The following ZBTB40 variants were observed in gnomAD, a reference collection of about 807,000 sequenced individuals.
The protein encoded by ZBTB40 is zinc finger and BTB domain-containing protein 40.
Under a neutral mutation model 117.5 loss-of-function variants are expected in ZBTB40, and 60 were observed. That is an observed-to-expected ratio of 0.51 (90% CI 0.41 to 0.63). ZBTB40 has a LOEUF of 0.63. Among genes scored for constraint, ZBTB40 ranks in the 30% least tolerant of loss-of-function variants. The pLI, the probability that ZBTB40 is intolerant of heterozygous loss-of-function variation, is 0.00. For synonymous variants in ZBTB40, 525 were observed against 577.1 expected, an observed-to-expected ratio of 0.91 and a Z score of 1.29; for missense variants, 1,287 against 1,498.5, an observed-to-expected ratio of 0.86 and a Z score of 2.33.
intron 1 of ZBTB40, among the ~76,000 whole-genome samples, chr1:22,432,764 C>T (rs963181325): frequency 6.6e-6 from 1 of 152,048 alleles, no homozygotes; most frequent in Non-Finnish European, 1.5e-5. Flanking sequence ...TTATATCTGC[C>T]GCCCATCACC....
At position 22,476,936 on chromosome 1, in the gene ZBTB40, G is replaced by A. The variant is rs138206878; in HGVS notation, c.-69-12944G>A. On this transcript the variant is annotated intron_variant, in intron 1 of 17. Transcript: ENST00000375647. The stretch of plus-strand genomic sequence containing the variant: ...TGTTCCACTATGCTTTCTTACCTCC[G>A]GAAAGTGCCCTTTCACCACATGACA... Among the ~76,000 whole-genome samples, 28 of 152,226 alleles carry A rather than the reference G, an allele frequency of 1.8e-4. No individual in the cohort carries two copies. In the East Asian group the frequency reaches 5.0e-3, roughly 27 times the overall value.
In ZBTB40 at chr1:22,501,609, C is replaced by G. The variant is rs751936550; in HGVS notation, c.949C>G (p.Gln317Glu). The G allele has an allele frequency of 6.2e-7, 1 of 1,614,038 alleles. No individual in the cohort carries two copies. The highest frequency in any genetic ancestry group is 8.5e-7 in the Non-Finnish European group (1 of 1,180,004). The part of the protein sequence containing the change: ...QTVVSLLRLY[Q>E]YSNPAVKTAL... ...TGTTGTGTCCCTGTTGAGGCTGTAC[C>G]AATATTCTAATCCTGCAGTAAAAAC... is the stretch of plus-strand genomic sequence containing the variant. The change falls in exon 4 of 18, where the codon CAA becomes GAA. Residue 317 changes from glutamine to glutamate, a missense_variant. Physicochemically the swap from Gln to Glu is conservative, Grantham distance 29. Around this residue, in one of 2 missense-constraint regions of ZBTB40, gnomAD observed 870 missense variants for 934.4 expected, o/e 0.93. Transcript: ENST00000375647.
Position 22,522,422 on chromosome 1 carries a change from C to T in ZBTB40, c.3257C>T (p.Thr1086Met), listed in dbSNP as rs533226667. The T allele has an allele frequency of 1.3e-4, 212 of 1,614,208 alleles. 1 individual carries two copies. The highest frequency in any genetic ancestry group is 1.6e-4 in the Middle Eastern group (1 of 6,062). The change falls in exon 16 of 18, where the codon ACG becomes ATG. Residue 1086 changes from threonine (T) to methionine (M), a missense_variant. Thr to Met is a moderately conservative substitution (Grantham distance 81). Transcript: ENST00000375647. ...GACCAGTGTAAGGAGCTCTTCCCCA[C>T]GCCAGCCTTGCTGCAGGTTCATGTC... ...ECDQCKELFP[T>M]PALLQVHVKC...
rs143821025 is a variant in ZBTB40, at chr1:22,501,641, A to G, written c.981A>G (p.Leu327=). The part of the protein sequence containing the change: ...QYSNPAVKTA[L]LDRKPEDVDT... ...CTAATCCTGCAGTAAAAACAGCACT[A>G]TTAGACAGGAAGCCAGAAGATGTAG... Residue 327 remains leucine, a synonymous_variant, in exon 4 of 18, where the codon CTA becomes CTG. Coordinates refer to ENST00000375647, the MANE Select transcript of ZBTB40 (RefSeq NM_014870.4). 110 of 1,614,014 alleles carry G rather than the reference A, an allele frequency of 6.8e-5. No homozygotes were observed. Among genetic ancestry groups the G allele is most frequent in the Non-Finnish European group, 9.2e-5 (108 of 1,180,016 alleles).
intron 1 of ZBTB40, among the ~76,000 whole-genome samples, chr1:22,463,416 C>G (rs1463291702): frequency 6.6e-6 from 1 of 152,194 alleles, no homozygotes; most frequent in Non-Finnish European, 1.5e-5. Context: ...CTGATGAAAA[C>G]TTAGTTATCG....
At chr1:22,516,897 G>A (rs1464040528) in intron 12 of ZBTB40, among the ~76,000 whole-genome samples, 1 of 151,956 alleles carries the variant, frequency 6.6e-6, no homozygotes, top group Non-Finnish European at 1.5e-5. Flanking sequence ...CTGAATCCAC[G>A]ACTCTCACCT....
intron 1 of ZBTB40, among the ~76,000 whole-genome samples, chr1:22,473,505 TA>T (rs1340257766): frequency 6.6e-6 from 1 of 152,208 alleles, no homozygotes; most frequent in Non-Finnish European, 1.5e-5. Flanking sequence ...GTAAGGTACT[TA>T]AATATCAGTA....
chr1:22,504,750 G>A (rs1414502933), intron 5 of ZBTB40, among the ~76,000 whole-genome samples: 1 of 152,200 alleles, frequency 6.6e-6, no homozygotes, highest in Non-Finnish European at 1.5e-5. Flanking sequence ...AAGGCTTGAA[G>A]AATTAAATAA....
intron 1 of ZBTB40, among the ~76,000 whole-genome samples, chr1:22,465,109 C>T (rs1047753116): frequency 7.9e-5 from 12 of 152,242 alleles, no homozygotes; most frequent in Middle Eastern, 3.4e-3. Flanking sequence ...AGGAGACCCG[C>T]GATGGTTAGT....
At chr1:22,498,787 GAA>G (rs11371974) in intron 3 of ZBTB40, among the ~76,000 whole-genome samples, 1 of 146,264 alleles carries the variant, frequency 6.8e-6, no homozygotes, top group African/African-American at 2.5e-5. Context: ...GTTTCAGGTG[GAA>G]AAAAAAAAAA....
intron 13 of ZBTB40, 34 bp from the exon 14 acceptor site, chr1:22,520,027 A>C: frequency 1.9e-6 from 3 of 1,601,128 alleles, no homozygotes; most frequent in Non-Finnish European, 2.6e-6. Flanking sequence ...TTTCCTCTCC[A>C]CCTCTTCCTC....
chr1:22,445,134 G>A (rs1242081483), intron 1 of ZBTB40, among the ~76,000 whole-genome samples: 1 of 152,138 alleles, frequency 6.6e-6, no homozygotes, highest in East Asian at 1.9e-4. Flanking sequence ...TCCTGGTTGG[G>A]GAGATCATCT....
At chr1:22,511,397 G>C in intron 10 of ZBTB40, 50 bp downstream of exon 10, 1 of 1,605,930 alleles carries the variant, frequency 6.2e-7, no homozygotes, top group Non-Finnish European at 8.5e-7. Flanking sequence ...ACACCAGGTT[G>C]TTTCTTGAAG....
chr1:22,488,483 G>T (rs1638535200), intron 1 of ZBTB40, among the ~76,000 whole-genome samples: 1 of 152,128 alleles, frequency 6.6e-6, no homozygotes, highest in African/African-American at 2.4e-5. Flanking sequence ...GTAGAAATGA[G>T]CCAGCCAGCC....
chr1:22,498,814 A>G (rs1638850208), intron 3 of ZBTB40, among the ~76,000 whole-genome samples: 1 of 151,134 alleles, frequency 6.6e-6, no homozygotes, highest in East Asian at 1.9e-4. Flanking sequence ...GGCCTAGGCT[A>G]GAATGAGATA....
At chr1:22,497,222 C>G in intron 3 of ZBTB40, among the ~76,000 whole-genome samples, 1 of 152,208 alleles carries the variant, frequency 6.6e-6, no homozygotes, top group East Asian at 1.9e-4. Flanking sequence ...TTGGTCCACT[C>G]TTCACCTAAA....
intron 1 of ZBTB40, among the ~76,000 whole-genome samples, chr1:22,469,137 C>A (rs1641338730): frequency 6.6e-6 from 1 of 151,976 alleles, no homozygotes; most frequent in East Asian, 1.9e-4. Context: ...GTTGTCACTT[C>A]CTTTAAGCCA....
At chr1:22,489,228 A>G (rs1235273045) in intron 1 of ZBTB40, among the ~76,000 whole-genome samples, 2 of 152,176 alleles carry the variant, frequency 1.3e-5, no homozygotes, top group Non-Finnish European at 2.9e-5. Flanking sequence ...TTTCAAAGCT[A>G]TGGAATCAGA....
At chr1:22,503,509 G>A (rs1363791290) in intron 5 of ZBTB40, among the ~76,000 whole-genome samples, 2 of 152,070 alleles carry the variant, frequency 1.3e-5, no homozygotes, top group Non-Finnish European at 2.9e-5. Flanking sequence ...GAGAGAAAAC[G>A]TTTAGAAGCC....
Sources: gnomAD v4.1 joint callset for allele counts (sites outside exome capture counted in the v4.1 genomes callset) on GRCh38, gnomAD v4.1.1 for gene constraint, gnomAD v4.1.1 regional missense constraint, MANE v1.5 for transcripts, NCBI Gene and HGNC (gene_info 2026-07-23, HGNC 2026-07-21) for gene names.